Variants in PARD3 observed in about 807,000 individuals in gnomAD.
The protein encoded by PARD3 is partitioning defective 3 homolog.
A neutral mutation model predicts 155.4 loss-of-function variants in PARD3; 75 were observed. The observed-to-expected ratio is 0.48, with a 90% CI of 0.40 to 0.58. The LOEUF (loss-of-function observed/expected upper bound fraction) is 0.58. Ranked by LOEUF, PARD3 falls within the 20% of genes least tolerant of loss-of-function variation. PARD3 has a pLI of 0.00. For synonymous variants in PARD3, 576 were observed against 610.5 expected (o/e 0.94, Z 0.83); for missense variants, 1,642 against 1,721.7 (o/e 0.95, Z 0.82).
rs545205523 is a variant in PARD3, at chr10:34,656,168, C to A, written c.222+40150G>T. ...AAACTTACTTAACACCACTGCCCCCCATAAACCACAAAAATTGTAATGTTA... is the reference window on the plus strand; with the variant it reads ...AAACTTACTTAACACCACTGCCCCCAATAAACCACAAAAATTGTAATGTTA... On this transcript the variant is annotated intron_variant, in intron 2 of 24. Transcript: ENST00000374788. 2.6e-5 allele frequency among the ~76,000 whole-genome samples: 4 copies of A among 152,220 alleles called. No homozygotes were observed. In the East Asian group the frequency reaches 5.8e-4, roughly 22 times the overall value.
intron 5 of PARD3, among the ~76,000 whole-genome samples, chr10:34,413,829 T>C (rs774541973): frequency 3.9e-5 from 6 of 152,176 alleles, no homozygotes; most frequent in Non-Finnish European, 7.4e-5. Context: ...AAGTCAGATA[T>C]TAGTAAAATT....
chr10:34,814,927 A>G lies in PARD3; in HGVS notation c.69T>C (p.Val23=). The G allele has an allele frequency of 6.4e-7, 1 of 1,566,072 alleles. No individual in the cohort carries two copies. Among genetic ancestry groups the G allele is most frequent in the African/African-American group, 1.4e-5 (1 of 70,760 alleles). Residue 23 remains valine (V), a synonymous_variant, in exon 1 of 25, where the codon GTT becomes GTC. Transcript: ENST00000374788. Reference sequence around the variant, plus strand: ...TCACCGCCTGCTGGATGAGGCTGAAAACTTTCATGTGGCCGTCCCCGCACG... The same window carrying G: ...TCACCGCCTGCTGGATGAGGCTGAAGACTTTCATGTGGCCGTCCCCGCACG... ...VVPCGDGHMK[V]FSLIQQAVTR... is the part of the protein sequence containing the mutation.
At chr10:34,643,478 C>CA (rs1165114911) in intron 2 of PARD3, among the ~76,000 whole-genome samples, 4 of 152,154 alleles carry the variant, frequency 2.6e-5, no homozygotes, top group African/African-American at 9.7e-5. Flanking sequence ...ATCAATTACT[C>CA]ACAGAAACAT....
At chr10:34,614,556 T>C (rs1033853716) in intron 2 of PARD3, among the ~76,000 whole-genome samples, 2 of 152,228 alleles carry the variant, frequency 1.3e-5, no homozygotes, top group African/African-American at 4.8e-5. Context: ...TAACTAAACA[T>C]AGACATGTAT....
intron 19 of PARD3, among the ~76,000 whole-genome samples, chr10:34,326,479 TCTGA>T (rs1427871473): frequency 2.6e-5 from 4 of 152,226 alleles, no homozygotes; most frequent in African/African-American, 7.2e-5. Context: ...TACAAAGTAC[TCTGA>T]CTTTGAAATC....
At chr10:34,303,795 G>C (rs542517881) in intron 20 of PARD3, among the ~76,000 whole-genome samples, 1 of 152,112 alleles carries the variant, frequency 6.6e-6, no homozygotes, top group East Asian at 1.9e-4. Flanking sequence ...TGAGCTGGGC[G>C]GCACTGACAG....
chr10:34,304,103 T>G (rs920478527), intron 20 of PARD3, among the ~76,000 whole-genome samples: 4 of 152,056 alleles, frequency 2.6e-5, no homozygotes, highest in Non-Finnish European at 5.9e-5. Flanking sequence ...GGAGCAGGGA[T>G]GGCTGCCATC....
At chr10:34,805,250 G>A (rs898964104) in intron 1 of PARD3, among the ~76,000 whole-genome samples, 23 of 151,996 alleles carry the variant, frequency 1.5e-4, no homozygotes, top group African/African-American at 4.8e-4. Flanking sequence ...TCAGCTACTC[G>A]GAAGGCTGAG....
At chr10:34,234,578 G>T (rs1202600741) in intron 22 of PARD3, among the ~76,000 whole-genome samples, 2 of 152,016 alleles carry the variant, frequency 1.3e-5, no homozygotes, top group Non-Finnish European at 2.9e-5. Flanking sequence ...TGACTTCTTT[G>T]CATCCTTCAG....
chr10:34,650,569 A>C (rs750030495), intron 2 of PARD3, among the ~76,000 whole-genome samples: 1 of 152,192 alleles, frequency 6.6e-6, no homozygotes, highest in Admixed American at 6.5e-5. Flanking sequence ...TGCTTCAATG[A>C]TTACAGAAAG....
chr10:34,653,678 G>A (rs1205957529), intron 2 of PARD3, among the ~76,000 whole-genome samples: 1 of 151,764 alleles, frequency 6.6e-6, no homozygotes, highest in Non-Finnish European at 1.5e-5. Flanking sequence ...AGCTACACAA[G>A]AGGCTGAGGC....
chr10:34,204,916 A>G (rs540440481), intron 22 of PARD3, among the ~76,000 whole-genome samples: 1 of 152,338 alleles, frequency 6.6e-6, no homozygotes, highest in South Asian at 2.1e-4. Flanking sequence ...TAATCATATT[A>G]AAGAACTCCA....
At chr10:34,428,070 C>G (rs2075715020) in intron 5 of PARD3, among the ~76,000 whole-genome samples, 1 of 152,128 alleles carries the variant, frequency 6.6e-6, no homozygotes, top group South Asian at 2.1e-4. Flanking sequence ...CATCCCACAA[C>G]AAACCTCCAG....
chr10:34,615,054 G>A (rs1163348959), intron 2 of PARD3, among the ~76,000 whole-genome samples: 1 of 151,894 alleles, frequency 6.6e-6, no homozygotes, highest in East Asian at 1.9e-4. Context: ...TGTGGCGGGT[G>A]CCTGTAGTCC....
chr10:34,762,831 C>T (rs1482936488), intron 1 of PARD3, among the ~76,000 whole-genome samples: 1 of 152,134 alleles, frequency 6.6e-6, no homozygotes, highest in Non-Finnish European at 1.5e-5. Context: ...ATTCAGCTAC[C>T]AGCAAACCTA....
At chr10:34,365,675 C>A (rs1839898517) in intron 12 of PARD3, among the ~76,000 whole-genome samples, 1 of 152,174 alleles carries the variant, frequency 6.6e-6, no homozygotes, top group Admixed American at 6.5e-5. Flanking sequence ...TGCAATCTCG[C>A]TTCCTGGGTT....
At chr10:34,210,714 G>A (rs1384361894) in intron 22 of PARD3, among the ~76,000 whole-genome samples, 2 of 152,126 alleles carry the variant, frequency 1.3e-5, no homozygotes, top group Non-Finnish European at 2.9e-5. Context: ...TATCATCACA[G>A]CCACAGCCTG....
At chr10:34,754,613 A>G (rs1473985150) in intron 1 of PARD3, among the ~76,000 whole-genome samples, 1 of 152,236 alleles carries the variant, frequency 6.6e-6, no homozygotes, top group Non-Finnish European at 1.5e-5. Context: ...GTTAAAAGCC[A>G]CTAATTTTTA....
At chr10:34,491,098 C>T (rs914064513) in intron 3 of PARD3, among the ~76,000 whole-genome samples, 3 of 152,118 alleles carry the variant, frequency 2.0e-5, no homozygotes, top group Non-Finnish European at 2.9e-5. Flanking sequence ...CCATCAAGTC[C>T]CCAGACGATG....
Sources: allele counts gnomAD v4.1 joint callset (sites outside exome capture counted in the v4.1 genomes callset), GRCh38; gene constraint gnomAD v4.1.1; transcripts MANE v1.5; gene names NCBI Gene and HGNC (gene_info 2026-07-23, HGNC 2026-07-21).